Variants in SART1 observed in about 807,000 individuals in gnomAD.
SART1 encodes spliceosome associated factor 1, recruiter of U4/U6.U5 tri-snRNP.
In SART1, 28 loss-of-function variants were observed where a neutral mutation model predicts 105.0. The observed-to-expected ratio is 0.27, with a 90% CI of 0.20 to 0.37. SART1 has a LOEUF of 0.37. Among genes scored for constraint, SART1 ranks in the 10% least tolerant of loss-of-function variants. The pLI is 1.00. For missense variants in SART1, 894 were observed against 1,106.5 expected, an observed-to-expected ratio of 0.81 and a Z score of 2.72; for synonymous variants, 472 against 462.9, an observed-to-expected ratio of 1.02 and a Z score of -0.25.
At chr11:65,973,825 G>A (rs1855429892) in intron 12 of SART1, among the ~76,000 whole-genome samples, 1 of 152,178 alleles carries the variant, frequency 6.6e-6, no homozygotes, top group Non-Finnish European at 1.5e-5. Flanking sequence ...ACTCTCAGGG[G>A]CACAGATTTT....
At chr11:65,964,836 C>T (rs902622407) in intron 3 of SART1, among the ~76,000 whole-genome samples, 1 of 152,152 alleles carries the variant, frequency 6.6e-6, no homozygotes, top group Non-Finnish European at 1.5e-5. Context: ...CTGCAGACTG[C>T]GCTGTGCGGG....
In SART1 at chr11:65,979,080, T is replaced by C. The variant is rs749179620; in HGVS notation, c.*50T>C. 3 of 1,611,032 alleles carry C rather than the reference T, an allele frequency of 1.9e-6. No homozygotes were observed. Among genetic ancestry groups the C allele is most frequent in the Non-Finnish European group, 2.5e-6 (3 of 1,177,648 alleles). ...CCTCAACCTTCATATTAAATAAAGC[T>C]CCCTCCTTATTTTTTCCTCCCTGGT... On this transcript the variant is annotated 3_prime_UTR_variant, in exon 20 of 20. Transcript: ENST00000312397.
At chr11:65,964,964 G>A (rs1373299581) in intron 3 of SART1, 128 bp from the exon 4 acceptor site, 2 of 1,230,394 alleles carry the variant, frequency 1.6e-6, no homozygotes, top group African/African-American at 1.5e-5. Flanking sequence ...GCAGGGAGGT[G>A]AAGGATTGTT....
rs1342126967 is a variant in SART1 at position 65,966,204 on chromosome 11, G to A, written c.967G>A (p.Asp323Asn). The A allele has an allele frequency of 1.9e-6, 3 of 1,614,050 alleles. No individual in the cohort carries two copies. In the South Asian group the frequency reaches 3.3e-5, roughly 18 times the overall value. The change falls in exon 8 of 20, where the codon GAC (aspartate) becomes AAC (asparagine). Residue 323 changes from aspartate (D) to asparagine (N), a missense_variant. This residue lies in a region of SART1 where 712 missense variants were observed against 778.2 expected (regional missense o/e 0.91). Coordinates refer to ENST00000312397, the MANE Select transcript of SART1 (RefSeq NM_005146.5). ...GCCCTATGCCGAGGACGAGAGCGTG[G>A]ACGACCTGGCGCAGGCACGGCCTGG... is the stretch of plus-strand genomic sequence containing the variant. ...YLPYAEDESV[D>N]DLAQQKPRSI...
chr11:65,976,923 G>A lies in SART1; in HGVS notation c.1858-91G>A, dbSNP rs1238647533. The A allele has an allele frequency of 1.7e-5, 21 of 1,220,612 alleles. No homozygotes were observed. The highest frequency in any genetic ancestry group is 2.0e-5 in the Non-Finnish European group (17 of 832,168). The allele number at this position is 1,220,612 out of a possible 1,614,324, so 75.6% of individuals were successfully genotyped here. On this transcript the variant is annotated intron_variant, in intron 14 of 19. Coordinates refer to ENST00000312397, the MANE Select transcript of SART1 (RefSeq NM_005146.5). The surrounding 1 kb of genome is among the most constrained non-coding windows in gnomAD (Gnocchi z 5.1). ...AGTAAATGAGGAAATTAAATGTTGT[G>A]GAGGGCTGGTGCCTGGCAGGTGGTG... is the stretch of plus-strand genomic sequence containing the variant.
chr11:65,966,251 G>C (rs369954244), intron 8 of SART1, 33 bp downstream of exon 8: 4 of 1,613,856 alleles, frequency 2.5e-6, no homozygotes, highest in Non-Finnish European at 3.4e-6. Flanking sequence ...GGCGGGGGCT[G>C]AGGTGGAGAA....
chr11:65,961,763 C>T lies in SART1; in HGVS notation c.-18C>T, dbSNP rs772282194. On this transcript the variant is annotated 5_prime_UTR_variant, in exon 1 of 20. Transcript: ENST00000312397. ...GTCTGGGCTCGGCGGCAGCCGGGCT[C>T]GGAGTGGACGTGCCACTATGGGGTC... 1.2e-5 allele frequency: 17 copies of T among 1,478,198 alleles called. No individual in the cohort carries two copies. Among genetic ancestry groups the T allele is most frequent in the Non-Finnish European group, 8.9e-7 (1 of 1,120,518 alleles). 91.6% of individuals were successfully genotyped at this position (1,478,198 alleles called of 1,614,324 possible).
rs1855555231 is a variant in SART1 at position 65,979,922 on chromosome 11, G to T, written c.*892G>T. On this transcript the variant is annotated 3_prime_UTR_variant, in exon 20 of 20. Transcript: ENST00000312397. Reference sequence around the variant, plus strand: ...GAGCCCAGGAGTTTGAGACCAACCTGAGTAAGGTGGCAAAACCCCATCTCT... The same window carrying T: ...GAGCCCAGGAGTTTGAGACCAACCTTAGTAAGGTGGCAAAACCCCATCTCT... 6.6e-6 allele frequency: 1 copy of T among 152,136 alleles called. No homozygotes were observed. Among genetic ancestry groups the T allele is most frequent in the African/African-American group, 2.4e-5 (1 of 41,428 alleles). 9.4% of individuals were successfully genotyped at this position (152,136 alleles called of 1,614,324 possible).
At chr11:65,964,327 AGACCAGGCTGGTGCCCAT>A (rs1855205170) in intron 2 of SART1, 170 bp from the exon 3 acceptor site, 1 of 838,660 alleles carries the variant, frequency 1.2e-6, no homozygotes, top group Non-Finnish European at 2.0e-6. Flanking sequence ...GGTTAGACGC[AGACCAGGCTGGTGCCCAT>A]GTTTCCTGCT....
In SART1 at chr11:65,964,151, T is replaced by C. The variant is rs529801453; in HGVS notation, c.371+20T>C. On this transcript the variant is annotated intron_variant, in intron 2 of 19. Coordinates refer to ENST00000312397, the MANE Select transcript of SART1 (RefSeq NM_005146.5). ...GACTAAGTGAGTACTGTCTCCCTTG[T>C]TTCTACTTTGTTTTTCTAAGAGAGG... 4.3e-5 allele frequency: 69 copies of C among 1,610,400 alleles called. No individual in the cohort carries two copies. The highest frequency in any genetic ancestry group is 5.2e-5 in the Non-Finnish European group (61 of 1,178,226).
Position 65,963,917 on chromosome 11 carries a change from C to T in SART1, c.314-157C>T, listed in dbSNP as rs1855195929. On this transcript the variant is annotated intron_variant, in intron 1 of 19. Coordinates refer to ENST00000312397, the MANE Select transcript of SART1 (RefSeq NM_005146.5). ...AGACTGGACTCGGGCAGAGGAGCTG[C>T]TGGGGAGCTTGGGTGGAAGAAGCTG... is the stretch of plus-strand genomic sequence containing the variant. 10 of 642,242 alleles carry T rather than the reference C, an allele frequency of 1.6e-5. No homozygotes were observed. The Admixed American group carries it at 2.5e-4, about 16-fold the overall frequency. The allele number at this position is 642,242 out of a possible 1,614,324, so 39.8% of individuals were successfully genotyped here.
At chr11:65,967,207 C>G in intron 9 of SART1, 52 bp from the exon 10 acceptor site, 1 of 1,596,784 alleles carries the variant, frequency 6.3e-7, no homozygotes, top group Non-Finnish European at 8.5e-7. Context: ...GGGCTTGTGG[C>G]GACCTGCCTT....
At chr11:65,975,872 G>A (rs1855471122) in intron 12 of SART1, among the ~76,000 whole-genome samples, 1 of 152,100 alleles carries the variant, frequency 6.6e-6, no homozygotes, top group Non-Finnish European at 1.5e-5. Flanking sequence ...GCCCGTGTGG[G>A]GGTCGCTGGA....
chr11:65,964,113 T>C lies in SART1; in HGVS notation c.353T>C (p.Leu118Pro). ...ACTAGCTCAGGCGATGCCTCCTCACTCAGCATCGAGGAGACTAAGTGAGTA... is the reference window on the plus strand; with the variant it reads ...ACTAGCTCAGGCGATGCCTCCTCACCCAGCATCGAGGAGACTAAGTGAGTA... ...SKTSSGDASS[L>P]SIEETNKLRA... The change falls in exon 2 of 20, where the codon CTC becomes CCC. Residue 118 changes from leucine to proline, a missense_variant. Transcript: ENST00000312397. 2 of 1,613,182 alleles carry C rather than the reference T, an allele frequency of 1.2e-6. No homozygotes were observed. Among genetic ancestry groups the C allele is most frequent in the Non-Finnish European group, 1.7e-6 (2 of 1,179,986 alleles).
In SART1 at chr11:65,976,103, T is replaced by C. The variant is rs556672452; in HGVS notation, c.1573-292T>C. Among the ~76,000 whole-genome samples, 1 of 151,082 alleles carries C rather than the reference T, an allele frequency of 6.6e-6. No homozygotes were observed. The highest frequency in any genetic ancestry group is 1.5e-5 in the Non-Finnish European group (1 of 67,698). On this transcript the variant is annotated intron_variant, in intron 12 of 19. Coordinates refer to ENST00000312397, the MANE Select transcript of SART1 (RefSeq NM_005146.5). This position sits in a 1 kb window ranked among gnomAD's most constrained non-coding sequence, Gnocchi z 5.1. ...TGGAGGAAGGAGTTTGAGGCTGAGG[T>C]AGTGTGTGAGGGGCTTTGGAGGGGG...
chr11:65,973,462 C>T (rs1410568237), intron 12 of SART1, among the ~76,000 whole-genome samples: 1 of 152,182 alleles, frequency 6.6e-6, no homozygotes, highest in Non-Finnish European at 1.5e-5. Context: ...TGAACCAAAA[C>T]AGTGAGGCAC....
intron 9 of SART1, 29 bp from the exon 10 acceptor site, chr11:65,967,230 G>A (rs375907218): frequency 1.7e-5 from 28 of 1,609,380 alleles, no homozygotes; most frequent in Admixed American, 3.4e-5. Context: ...TGTGGCCCCC[G>A]CTCCATGTCT....
chr11:65,966,247 G>T, intron 8 of SART1, 29 bp downstream of exon 8: 1 of 1,613,890 alleles, frequency 6.2e-7, no homozygotes, highest in Non-Finnish European at 8.5e-7. Context: ...GGGTGGCGGG[G>T]GCTGAGGTGG....
chr11:65,974,444 G>T (rs1855443424), intron 12 of SART1, among the ~76,000 whole-genome samples: 1 of 151,618 alleles, frequency 6.6e-6, no homozygotes, highest in African/African-American at 2.4e-5. Context: ...ACTTTGGGAG[G>T]CTGAGGTGAG....
Sources: gnomAD v4.1 joint callset for allele counts (sites outside exome capture counted in the v4.1 genomes callset) on GRCh38, gnomAD v4.1.1 for gene constraint, gnomAD v4.1.1 regional missense constraint, Gnocchi (gnomAD v3.1) non-coding constraint, MANE v1.5 for transcripts, NCBI Gene and HGNC (gene_info 2026-07-23, HGNC 2026-07-21) for gene names.